ITPR2: variants seen among roughly 807,000 people sequenced by gnomAD.
The protein encoded by ITPR2 is inositol 1,4,5-trisphosphate-gated calcium channel ITPR2.
ITPR2 carries 207 observed loss-of-function variants against 317.1 expected under a neutral mutation model. The observed-to-expected ratio is 0.65, with a 90% CI of 0.58 to 0.73. The LOEUF is 0.73. ITPR2 is among the 30% of genes least tolerant of loss of function. The pLI is 0.00. For missense variants in ITPR2, 2,613 were observed against 3,284.0 expected (o/e 0.80, Z 4.99); for synonymous variants, 1,156 against 1,149.1 (o/e 1.01, Z -0.12).
chr12:26,489,032 T>A (rs770244150), intron 39 of ITPR2, among the ~76,000 whole-genome samples: 1 of 152,156 alleles, frequency 6.6e-6, no homozygotes, highest in African/African-American at 2.4e-5. Flanking sequence ...TAAAACAACC[T>A]CTTACGATGA....
intron 32 of ITPR2, among the ~76,000 whole-genome samples, chr12:26,589,843 TATATATATATACACACACACACACAC>T (rs1945650097): frequency 1.1e-4 from 2 of 19,040 alleles, no homozygotes; most frequent in African/African-American, 3.3e-4. Flanking sequence ...CATATATATA[TATATATATATACACACACACACACAC>T]ACACACACAC....
chr12:26,786,184 G>T (rs1204856623), intron 2 of ITPR2, among the ~76,000 whole-genome samples: 1 of 35,012 alleles, frequency 2.9e-5, no homozygotes, highest in African/African-American at 9.2e-5. Context: ...AACATGTGCT[G>T]TGTCCACTCA....
chr12:26,500,859 C>A (rs942269186), intron 37 of ITPR2, among the ~76,000 whole-genome samples: 1 of 152,088 alleles, frequency 6.6e-6, no homozygotes, highest in East Asian at 1.9e-4. Flanking sequence ...CTCTGTTTGC[C>A]TTAATGGGGA....
chr12:26,409,490 CTGGCACCCTTAA>C (rs1481634016), intron 52 of ITPR2, among the ~76,000 whole-genome samples: 1 of 152,140 alleles, frequency 6.6e-6, no homozygotes, highest in Non-Finnish European at 1.5e-5. Context: ...CTATGCATTT[CTGGCACCCTTAA>C]TGGAAATCTT....
intron 32 of ITPR2, among the ~76,000 whole-genome samples, chr12:26,581,784 C>T (rs1325009728): frequency 6.6e-6 from 1 of 152,118 alleles, no homozygotes; most frequent in East Asian, 1.9e-4. Flanking sequence ...ACTGGCTTTA[C>T]AGTGAACCTT....
chr12:26,346,831 A>G (rs76415745), intron 55 of ITPR2, among the ~76,000 whole-genome samples: 4,185 of 152,262 alleles, frequency 0.027, 85 homozygotes, highest in Middle Eastern at 0.051. Flanking sequence ...CAGTTTCCTT[A>G]TCTGTAAAAT....
chr12:26,554,673 T>C (rs1944617838), intron 36 of ITPR2, among the ~76,000 whole-genome samples: 1 of 152,238 alleles, frequency 6.6e-6, no homozygotes, highest in African/African-American at 2.4e-5. Flanking sequence ...GTTAATTTAC[T>C]GAATTTAACA....
At chr12:26,637,697 T>C (rs944531859) in intron 21 of ITPR2, among the ~76,000 whole-genome samples, 2 of 152,172 alleles carry the variant, frequency 1.3e-5, no homozygotes, top group Admixed American at 1.3e-4. Context: ...GAAAAACAAC[T>C]CTTCTCCATT....
chr12:26,504,980 A>C (rs1009627642), intron 37 of ITPR2, among the ~76,000 whole-genome samples: 16 of 152,204 alleles, frequency 1.1e-4, no homozygotes, highest in Non-Finnish European at 1.9e-4. Flanking sequence ...AAGTCCTAGA[A>C]GATATGCAGT....
At chr12:26,687,958 T>C (rs1398345104) in intron 10 of ITPR2, among the ~76,000 whole-genome samples, 1 of 152,180 alleles carries the variant, frequency 6.6e-6, no homozygotes, top group Non-Finnish European at 1.5e-5. Flanking sequence ...GAAAAGGGCA[T>C]ACTTAGCATA....
At chr12:26,340,139 C>A in intron 56 of ITPR2, 28 bp downstream of exon 56, 2 of 1,568,818 alleles carry the variant, frequency 1.3e-6, no homozygotes, top group Non-Finnish European at 1.7e-6. Flanking sequence ...TTTATCCCAC[C>A]CAGCCCCATC....
chr12:26,634,370 A>G (rs149460183), intron 21 of ITPR2, among the ~76,000 whole-genome samples: 229 of 152,328 alleles, frequency 1.5e-3, no homozygotes, highest in African/African-American at 4.6e-3. Context: ...ATTGCAAAAA[A>G]AGAAATTGTA....
At chr12:26,513,988 T>C (rs1305853042) in intron 37 of ITPR2, among the ~76,000 whole-genome samples, 1 of 152,230 alleles carries the variant, frequency 6.6e-6, no homozygotes, top group Non-Finnish European at 1.5e-5. Flanking sequence ...TATTTCCCTT[T>C]CACAATGATG....
intron 2 of ITPR2, among the ~76,000 whole-genome samples, chr12:26,778,855 G>A (rs559015034): frequency 2.6e-5 from 4 of 152,130 alleles, no homozygotes; most frequent in Admixed American, 1.3e-4. Flanking sequence ...AGGTCCAGTG[G>A]TGTGGGGCCT....
intron 26 of ITPR2, among the ~76,000 whole-genome samples, chr12:26,604,123 A>G (rs138640224): frequency 1.3e-5 from 2 of 151,954 alleles, no homozygotes; most frequent in Non-Finnish European, 3.0e-5. Flanking sequence ...TCACAAAATT[A>G]ATAAACATCA....
intron 13 of ITPR2, among the ~76,000 whole-genome samples, chr12:26,677,584 AG>A (rs1277767701): frequency 6.6e-6 from 1 of 151,388 alleles, no homozygotes; most frequent in Non-Finnish European, 1.5e-5. Context: ...TGGGCAACAG[AG>A]CAAGACCCTC....
chr12:26,772,199 T>C (rs1949856645), intron 2 of ITPR2, among the ~76,000 whole-genome samples: 1 of 151,426 alleles, frequency 6.6e-6, no homozygotes, highest in African/African-American at 2.4e-5. Context: ...AACTAATTTA[T>C]CATAAAGGTG....
In ITPR2 at chr12:26,400,152, A is replaced by G. The variant is rs545599561; in HGVS notation, c.7506T>C (p.Asp2502=). 27 of 1,611,400 alleles carry G rather than the reference A, an allele frequency of 1.7e-5. No homozygotes were observed. The South Asian group carries it at 2.9e-4, about 17-fold the overall frequency. ...QGLRNGGGVG[D]VLRRPSKDEP... ...CATCTTTCGATGGCCTTCTTAGCAC[A>G]TCCCCCACACCACCGCCATTCCTGA... Residue 2502 remains aspartate (D), a synonymous_variant, in exon 53 of 57, where the codon GAT becomes GAC. Transcript: ENST00000381340.
At chr12:26,347,121 G>A (rs918278639) in intron 55 of ITPR2, among the ~76,000 whole-genome samples, 1 of 152,094 alleles carries the variant, frequency 6.6e-6, no homozygotes, top group Admixed American at 6.6e-5. Flanking sequence ...CCACTTCTGG[G>A]CAAGTTCTTC....
Sources: gnomAD v4.1 joint callset for allele counts (sites outside exome capture counted in the v4.1 genomes callset) on GRCh38, gnomAD v4.1.1 for gene constraint, MANE v1.5 for transcripts, NCBI Gene and HGNC (gene_info 2026-07-23, HGNC 2026-07-21) for gene names.